Variants in PALS2 observed in about 807,000 individuals in gnomAD.
PALS2 encodes protein PALS2.
PALS2 carries 27 observed loss-of-function variants against 61.6 expected under a neutral mutation model. That is an observed-to-expected ratio of 0.44 (90% CI 0.32 to 0.60). PALS2 has a LOEUF of 0.60. Among genes scored for constraint, PALS2 ranks in the 20% least tolerant of loss-of-function variants. The pLI is 0.05. For synonymous variants in PALS2, 236 were observed against 218.6 expected (o/e 1.08, Z -0.70); for missense variants, 554 against 639.4 (o/e 0.87, Z 1.44).
At position 24,618,859 on chromosome 7, in the gene PALS2, A is replaced by G. The variant is rs1409244535; in HGVS notation, c.-2-4807A>G. 6.6e-6 allele frequency among the ~76,000 whole-genome samples: 1 copy of G among 152,142 alleles called. No individual in the cohort carries two copies. Among genetic ancestry groups the G allele is most frequent in the African/African-American group, 2.4e-5 (1 of 41,434 alleles). ...ACTCTCCCTTCAACACTCCAGTCAA[A>G]TCTTAGCTGTTTATTTATTGCCGTG... On this transcript the variant is annotated intron_variant, in intron 1 of 11. Coordinates refer to ENST00000222644, the MANE Select transcript of PALS2 (RefSeq NM_001303037.2). This position sits in a 1 kb window ranked among gnomAD's most constrained non-coding sequence, Gnocchi z 5.1.
intron 1 of PALS2, among the ~76,000 whole-genome samples, chr7:24,599,247 A>G (rs1320566046): frequency 6.6e-6 from 1 of 152,144 alleles, no homozygotes; most frequent in Non-Finnish European, 1.5e-5. Context: ...CTTACCATGA[A>G]TGGAGCTTGC....
intron 1 of PALS2, among the ~76,000 whole-genome samples, chr7:24,588,152 G>A (rs994002689): frequency 2.6e-5 from 4 of 152,126 alleles, no homozygotes; most frequent in African/African-American, 9.7e-5. Context: ...AAAAACCCTG[G>A]AATGTAGAGT....
intron 5 of PALS2, among the ~76,000 whole-genome samples, chr7:24,654,353 C>T (rs1197678744): frequency 6.6e-6 from 1 of 152,000 alleles, no homozygotes; most frequent in Non-Finnish European, 1.5e-5. Context: ...AACTTATTTA[C>T]AAATATGATC....
rs1469357908 is a variant in PALS2 at position 24,691,612 on chromosome 7, GA to G, written c.*4000del. On this transcript the variant is annotated 3_prime_UTR_variant, in exon 12 of 12. Coordinates refer to ENST00000222644, the MANE Select transcript of PALS2 (RefSeq NM_001303037.2). ...TTTTAAAACGCTCTGGTTCCACCTT[GA>G]AGCTGATAATCTTTCTGAAAAATAT... The G allele has an allele frequency of 6.6e-6, 1 of 151,358 alleles. No homozygotes were observed. Among genetic ancestry groups the G allele is most frequent in the Non-Finnish European group, 1.5e-5 (1 of 67,776 alleles). The allele number at this position is 151,358 out of a possible 1,614,324, so 9.4% of individuals were successfully genotyped here.
chr7:24,612,794 T>C (rs1445032330), intron 1 of PALS2, among the ~76,000 whole-genome samples: 2 of 151,856 alleles, frequency 1.3e-5, no homozygotes, highest in African/African-American at 4.8e-5. Flanking sequence ...ATCATCTGCA[T>C]TTCTTAAAAT....
intron 11 of PALS2, among the ~76,000 whole-genome samples, chr7:24,680,873 G>A (rs1214348906): frequency 2.0e-5 from 3 of 152,202 alleles, no homozygotes; most frequent in Non-Finnish European, 4.4e-5. Flanking sequence ...TAGAACTACA[G>A]GCGTGAGCCA....
chr7:24,650,195 T>C (rs1386043622), intron 4 of PALS2, among the ~76,000 whole-genome samples: 1 of 152,084 alleles, frequency 6.6e-6, no homozygotes, highest in Non-Finnish European at 1.5e-5. Flanking sequence ...ATAAGAACAG[T>C]GAGTGCAAAA....
intron 10 of PALS2, among the ~76,000 whole-genome samples, chr7:24,679,711 C>T (rs1250847991): frequency 8.1e-6 from 1 of 123,964 alleles, no homozygotes; most frequent in Non-Finnish European, 1.6e-5. Context: ...GACACACATG[C>T]ACACCTCTAC....
chr7:24,653,393 CAA>C (rs34023639), intron 5 of PALS2, among the ~76,000 whole-genome samples: 23,277 of 148,790 alleles, frequency 0.16, 2,322 homozygotes, highest in East Asian at 0.47. Flanking sequence ...AATTTTATTA[CAA>C]AAAAAAAAAA....
intron 1 of PALS2, among the ~76,000 whole-genome samples, chr7:24,592,131 C>A (rs1202042982): frequency 6.6e-6 from 1 of 152,064 alleles, no homozygotes; most frequent in South Asian, 2.1e-4. Context: ...CTCTGCATAT[C>A]CACTAATGAC....
chr7:24,592,572 A>G (rs938250165), intron 1 of PALS2, among the ~76,000 whole-genome samples: 20 of 152,088 alleles, frequency 1.3e-4, no homozygotes, highest in African/African-American at 4.8e-4. Flanking sequence ...GGTATTGGGT[A>G]TAGATGAAGT....
intron 5 of PALS2, among the ~76,000 whole-genome samples, chr7:24,652,313 C>T (rs965616286): frequency 6.6e-6 from 1 of 152,164 alleles, no homozygotes; most frequent in Non-Finnish European, 1.5e-5. Flanking sequence ...ATATTAATAA[C>T]TAGGGCTTTG....
At chr7:24,586,060 TACAC>T (rs1425539576) in intron 1 of PALS2, among the ~76,000 whole-genome samples, 1 of 152,220 alleles carries the variant, frequency 6.6e-6, no homozygotes, top group Non-Finnish European at 1.5e-5. Flanking sequence ...ATACTGGTAT[TACAC>T]AAATAAAAAG....
At chr7:24,615,791 C>G (rs1049477206) in intron 1 of PALS2, among the ~76,000 whole-genome samples, 20 of 152,030 alleles carry the variant, frequency 1.3e-4, no homozygotes, top group African/African-American at 4.3e-4. Flanking sequence ...CCCTACTGAA[C>G]ATAAATGCAA....
chr7:24,623,243 A>C (rs1302155191), intron 1 of PALS2, among the ~76,000 whole-genome samples: 2 of 113,248 alleles, frequency 1.8e-5, no homozygotes, highest in South Asian at 5.7e-4. Context: ...TATTGGTTTT[A>C]ATTCTTTTTT....
At chr7:24,624,132 A>T (rs1784637412) in intron 2 of PALS2, 3 of 1,305,224 alleles carry the variant, frequency 2.3e-6, no homozygotes, top group Non-Finnish European at 3.0e-6. Context: ...CTTCTTTTGC[A>T]TTAGACTGTG....
chr7:24,675,777 A>T (rs1048281745), intron 9 of PALS2, among the ~76,000 whole-genome samples: 5 of 124,350 alleles, frequency 4.0e-5, no homozygotes, highest in Admixed American at 1.5e-4. Flanking sequence ...ACATTTTCTT[A>T]ATCCAGTCTA....
chr7:24,689,715 C>T lies in PALS2; in HGVS notation c.*2101C>T, dbSNP rs181158365. On this transcript the variant is annotated 3_prime_UTR_variant, in exon 12 of 12. Coordinates refer to ENST00000222644, the MANE Select transcript of PALS2 (RefSeq NM_001303037.2). The stretch of plus-strand genomic sequence containing the variant: ...AATAACAGTGGAAACTTTCAAACTA[C>T]ATGTGTTTACACCAAATTCTTGGCT... The T allele has an allele frequency of 6.6e-6, 1 of 151,660 alleles. No individual in the cohort carries two copies. 9.4% of individuals were successfully genotyped at this position (151,660 alleles called of 1,614,324 possible). A position where few individuals can be genotyped will look rare whatever the true frequency, so the allele number is the denominator to read the frequency against.
intron 9 of PALS2, among the ~76,000 whole-genome samples, chr7:24,674,095 A>C (rs1042387199): frequency 6.6e-6 from 1 of 152,170 alleles, no homozygotes; most frequent in African/African-American, 2.4e-5. Flanking sequence ...ACTATGCAAC[A>C]CAGACCAGTT....
Sources: gnomAD v4.1 joint callset for allele counts (sites outside exome capture counted in the v4.1 genomes callset) on GRCh38, gnomAD v4.1.1 for gene constraint, Gnocchi (gnomAD v3.1) non-coding constraint, MANE v1.5 for transcripts, NCBI Gene and HGNC (gene_info 2026-07-23, HGNC 2026-07-21) for gene names.